BOP1: variants seen among roughly 807,000 people sequenced by gnomAD.
BOP1 encodes the protein BOP1 ribosomal biogenesis factor, also known as ribosome biogenesis protein BOP1.
Under a neutral mutation model 82.9 loss-of-function variants are expected in BOP1, and 54 were observed. The ratio of observed to expected loss-of-function variants is 0.65; its 90% CI spans 0.52 to 0.82. BOP1 has a LOEUF of 0.82. BOP1 is among the 40% of genes least tolerant of loss of function. BOP1 has a pLI of 0.00. For synonymous variants in BOP1, 566 were observed against 451.1 expected, an observed-to-expected ratio of 1.25 and a Z score of -3.23; for missense variants, 1,170 against 1,072.0, an observed-to-expected ratio of 1.09 and a Z score of -1.28.
rs1845316672 is a variant in BOP1 at position 144,264,718 on chromosome 8, T to C, written c.659A>G (p.Tyr220Cys). Reference sequence around the variant, plus strand: ...GGGCCAGCCCCTGCCACCTACCTCATAGGGGTTGAAGCCCACATCCCCAAA... The same window carrying C: ...GGGCCAGCCCCTGCCACCTACCTCACAGGGGTTGAAGCCCACATCCCCAAA... Reference protein sequence around the residue: ...GQFGDVGFNPYEPAVDFFSGD... With the variant: ...GQFGDVGFNPCEPAVDFFSGD... The change falls in exon 5 of 16, where the codon TAT (tyrosine) becomes TGT (cysteine). Residue 220 changes from tyrosine (Y) to cysteine (C), a missense_variant. Tyr to Cys is a radical substitution (Grantham distance 194). Transcript: ENST00000569669. 1.3e-6 allele frequency: 2 copies of C among 1,573,954 alleles called. No individual in the cohort carries two copies. Among genetic ancestry groups the C allele is most frequent in the Non-Finnish European group, 1.7e-6 (2 of 1,160,520 alleles).
rs1554839850 is a variant in BOP1, at chr8:144,289,320, G to A, written c.100-16C>T. 1 of 1,611,912 alleles carries A rather than the reference G, an allele frequency of 6.2e-7. No individual in the cohort carries two copies. Among genetic ancestry groups the A allele is most frequent in the African/African-American group, 1.3e-5 (1 of 74,986 alleles). Reference sequence around the variant, plus strand: ...GGAGGGGGGGCTGCAAGGAAACACTGGGTTGGTGACAACTGCCCCTCCAGG... The same window carrying A: ...GGAGGGGGGGCTGCAAGGAAACACTAGGTTGGTGACAACTGCCCCTCCAGG... On this transcript the variant is annotated splice_polypyrimidine_tract_variant and intron_variant, in intron 1 of 15. Transcript: ENST00000569669.
Position 144,291,233 on chromosome 8 carries a change from C to A in BOP1, c.99+39G>T, listed in dbSNP as rs1294918685. ...CGCGGCCACGTGCCCGCCGGGCCCT[C>A]TAGGGACGCGCCCCGCCGCCCCGCA... On this transcript the variant is annotated intron_variant, in intron 1 of 15. Transcript: ENST00000569669. This position sits in a 1 kb window ranked among gnomAD's most constrained non-coding sequence, Gnocchi z 4.1. 1 of 1,430,066 alleles carries A rather than the reference C, an allele frequency of 7.0e-7. No homozygotes were observed. The highest frequency in any genetic ancestry group is 9.1e-7 in the Non-Finnish European group (1 of 1,093,558). 88.6% of individuals were successfully genotyped at this position (1,430,066 alleles called of 1,614,324 possible). A position where few individuals can be genotyped will look rare whatever the true frequency, so the allele number is the denominator to read the frequency against.
Position 144,262,688 on chromosome 8 carries a change from G to A in BOP1, c.1895-16C>T. ...ACGTTGTCACCTAGGGCCAAAGGCT[G>A]TGATGCAGGTGTTCCCGCTCTCACC... On this transcript the variant is annotated splice_polypyrimidine_tract_variant and intron_variant, in intron 13 of 15. Coordinates refer to ENST00000569669, the MANE Select transcript of BOP1 (RefSeq NM_015201.5). The A allele has an allele frequency of 6.2e-7, 1 of 1,612,842 alleles. No individual in the cohort carries two copies. Among genetic ancestry groups the A allele is most frequent in the Non-Finnish European group, 8.5e-7 (1 of 1,179,638 alleles).
chr8:144,266,418 C>T, intron 3 of BOP1: 1 of 792,966 alleles, frequency 1.3e-6, no homozygotes, highest in Non-Finnish European at 1.5e-6. Context: ...GGGGCCGGGA[C>T]GCCGCTATAA....
At chr8:144,277,834 A>AGGGG (rs1845594458) in intron 2 of BOP1, among the ~76,000 whole-genome samples, 4 of 57,578 alleles carry the variant, frequency 6.9e-5, no homozygotes, top group South Asian at 5.6e-4. Context: ...AGGGGCGGCC[A>AGGGG]CTGCTGGGAA....
chr8:144,268,406 G>A (rs1296751307), intron 3 of BOP1: 2 of 581,272 alleles, frequency 3.4e-6, no homozygotes, highest in Non-Finnish European at 6.1e-6. Flanking sequence ...CTGTGTGATG[G>A]CATCTTGTGT....
At chr8:144,269,128 C>G (rs1373395841) in intron 3 of BOP1, among the ~76,000 whole-genome samples, 1 of 152,216 alleles carries the variant, frequency 6.6e-6, no homozygotes, top group Non-Finnish European at 1.5e-5. Context: ...CCTGAAGACC[C>G]CGCCCACCAC....
intron 2 of BOP1, among the ~76,000 whole-genome samples, chr8:144,278,638 T>G (rs1554838589): frequency 2.6e-5 from 4 of 152,278 alleles, no homozygotes; most frequent in African/African-American, 9.6e-5. Context: ...CAGTCCTAAC[T>G]TGCCCAGAGA....
At chr8:144,269,971 G>C (rs1845465495) in intron 3 of BOP1, among the ~76,000 whole-genome samples, 1 of 152,140 alleles carries the variant, frequency 6.6e-6, no homozygotes, top group Admixed American at 6.5e-5. Flanking sequence ...GTGTAGTTCT[G>C]TAGGGAGGGT....
At chr8:144,269,663 T>C (rs2130221460) in intron 3 of BOP1, among the ~76,000 whole-genome samples, 1 of 152,280 alleles carries the variant, frequency 6.6e-6, no homozygotes, top group East Asian at 1.9e-4. Context: ...TCCCTAATCC[T>C]GCAGGAGCCC....
intron 2 of BOP1, among the ~76,000 whole-genome samples, chr8:144,277,819 C>T (rs587703717): frequency 8.0e-5 from 12 of 150,918 alleles, no homozygotes; most frequent in Non-Finnish European, 1.6e-4. Context: ...AGGGGCGGTG[C>T]GGGCAGGGGC....
chr8:144,282,317 AG>A (rs1479739117), intron 2 of BOP1, among the ~76,000 whole-genome samples: 1 of 152,202 alleles, frequency 6.6e-6, no homozygotes, highest in Non-Finnish European at 1.5e-5. Context: ...CTGGAAGGGC[AG>A]GGGCTGCAGA....
chr8:144,265,358 C>T, intron 3 of BOP1: 1 of 555,916 alleles, frequency 1.8e-6, no homozygotes, highest in Non-Finnish European at 3.2e-6. Flanking sequence ...GATTCCTTGG[C>T]CAGGGCTCTG....
chr8:144,280,542 G>A (rs587659861), intron 2 of BOP1, among the ~76,000 whole-genome samples: 142 of 152,360 alleles, frequency 9.3e-4, no homozygotes, highest in African/African-American at 3.3e-3. Flanking sequence ...CTCCGGCACA[G>A]GCCAAACTCT....
chr8:144,262,855 G>A lies in BOP1; in HGVS notation c.1892C>T (p.Ala631Val). The A allele has an allele frequency of 7.4e-7, 1 of 1,357,088 alleles. No individual in the cohort carries two copies. The highest frequency in any genetic ancestry group is 9.5e-7 in the Non-Finnish European group (1 of 1,054,286). 84.1% of individuals were successfully genotyped at this position (1,357,088 alleles called of 1,614,324 possible). A position where few individuals can be genotyped will look rare whatever the true frequency, so the allele number is the denominator to read the frequency against. Reference sequence around the variant, plus strand: ...GGTGCACCGCCCCCACCCCTCACCTGCAGGGTGCACCGCCAGGCTGGACAC... The same window carrying A: ...GGTGCACCGCCCCCACCCCTCACCTACAGGGTGCACCGCCAGGCTGGACAC... ...KWVSSLAVHP[A>V]GDNVICGSYD... Residue 631 changes from alanine (A) to valine (V), a missense_variant and splice_region_variant, in exon 13 of 16, where the codon GCA becomes GTA. Ala to Val is a moderately conservative substitution (Grantham distance 64). Coordinates refer to ENST00000569669, the MANE Select transcript of BOP1 (RefSeq NM_015201.5).
chr8:144,277,637 T>C (rs1464621121), intron 2 of BOP1, among the ~76,000 whole-genome samples: 1 of 152,238 alleles, frequency 6.6e-6, no homozygotes, highest in African/African-American at 2.4e-5. Context: ...GTGCTGGATG[T>C]GGACAGGCCA....
At chr8:144,269,402 G>C (rs907716271) in intron 3 of BOP1, among the ~76,000 whole-genome samples, 3 of 152,168 alleles carry the variant, frequency 2.0e-5, no homozygotes, top group East Asian at 1.9e-4. Context: ...ACGCACCCTC[G>C]GGGGGAGACC....
intron 5 of BOP1, 42 bp downstream of exon 5, chr8:144,264,672 T>C: frequency 6.4e-7 from 1 of 1,565,252 alleles, no homozygotes; most frequent in Middle Eastern, 2.0e-4. Flanking sequence ...TGCTGGTGCC[T>C]CCAGGACCCC....
At position 144,266,515 on chromosome 8, in the gene BOP1, C is replaced by A. The variant is rs1393043579; in HGVS notation, c.391-1444G>T. On this transcript the variant is annotated intron_variant, in intron 3 of 15. Coordinates refer to ENST00000569669, the MANE Select transcript of BOP1 (RefSeq NM_015201.5). ...TGCCACCGCGGGGCGCAGCCGAGAC[C>A]CCGCGCCTCGCCCCGGCCGGCCCGC... The A allele has an allele frequency of 4.9e-5, 48 of 989,146 alleles. No individual in the cohort carries two copies. In the African/African-American group the frequency reaches 8.1e-4, roughly 17 times the overall value. The allele number at this position is 989,146 out of a possible 1,614,324, so 61.3% of individuals were successfully genotyped here.
Sources: allele counts gnomAD v4.1 joint callset (sites outside exome capture counted in the v4.1 genomes callset), GRCh38; gene constraint gnomAD v4.1.1; non-coding constraint Gnocchi (gnomAD v3.1); transcripts MANE v1.5; gene names NCBI Gene and HGNC (gene_info 2026-07-23, HGNC 2026-07-21).